Variants in PRIM2 observed in about 807,000 individuals in gnomAD.
PRIM2 encodes DNA primase large subunit.
PRIM2 carries 39 observed loss-of-function variants against 67.3 expected under a neutral mutation model. The ratio of observed to expected loss-of-function variants is 0.58; its 90% CI spans 0.45 to 0.76. PRIM2 has a LOEUF of 0.76. Among genes scored for constraint, PRIM2 ranks in the 30% least tolerant of loss-of-function variants. The probability of loss-of-function intolerance (pLI) is 0.00; values close to 1 mark genes in which losing one functional copy is unlikely to be tolerated. For synonymous variants in PRIM2, 143 were observed against 198.7 expected (o/e 0.72, Z 2.36); for missense variants, 398 against 598.7 (o/e 0.66, Z 3.50).
the PRIM2 span, among the ~76,000 whole-genome samples, chr6:57,260,697 G>T: frequency 6.6e-6 from 1 of 152,156 alleles, no homozygotes; most frequent in African/African-American, 2.4e-5. Flanking sequence ...TTGGAAATGG[G>T]TACAATGGAT....
chr6:57,229,247 T>G, the PRIM2 span, among the ~76,000 whole-genome samples: 1 of 152,170 alleles, frequency 6.6e-6, no homozygotes, highest in Non-Finnish European at 1.5e-5. Flanking sequence ...CTCTTATAAT[T>G]TTCATATCAT....
intron 10 of PRIM2, among the ~76,000 whole-genome samples, chr6:57,552,223 G>A (rs1372995329): frequency 6.6e-6 from 1 of 152,306 alleles, no homozygotes. Flanking sequence ...CACTGGCTTG[G>A]TGGCCTGGGC....
chr6:57,368,157 A>G (rs2127320411), intron 5 of PRIM2, among the ~76,000 whole-genome samples: 1 of 152,258 alleles, frequency 6.6e-6, no homozygotes, highest in Admixed American at 6.5e-5. Flanking sequence ...TTTCTTTATA[A>G]ATGAAATGAT....
chr6:57,245,374 A>C, the PRIM2 span, among the ~76,000 whole-genome samples: 1 of 152,184 alleles, frequency 6.6e-6, no homozygotes, highest in East Asian at 1.9e-4. Context: ...TACACCCATG[A>C]TGCATCACCT....
chr6:57,626,766 A>G (rs1776955959), intron 12 of PRIM2, among the ~76,000 whole-genome samples: 1 of 151,948 alleles, frequency 6.6e-6, no homozygotes, highest in East Asian at 2.0e-4. Flanking sequence ...CTGGGACTAC[A>G]GGCATGTGCC....
At chr6:57,381,429 A>T (rs1178930627) in intron 6 of PRIM2, among the ~76,000 whole-genome samples, 1 of 151,672 alleles carries the variant, frequency 6.6e-6, no homozygotes, top group African/African-American at 2.4e-5. Context: ...ATCTCTTAGA[A>T]TTTTAAGATT....
chr6:57,269,663 T>G, the PRIM2 span, among the ~76,000 whole-genome samples: 1 of 152,290 alleles, frequency 6.6e-6, no homozygotes, highest in Non-Finnish European at 1.5e-5. Context: ...TTTTGGCTTT[T>G]GTTGCCATTG....
At chr6:57,506,848 A>G (rs1217383525) in intron 7 of PRIM2, among the ~76,000 whole-genome samples, 3 of 152,082 alleles carry the variant, frequency 2.0e-5, no homozygotes, top group African/African-American at 7.2e-5. Context: ...TTTCAATATT[A>G]AATACTTTGA....
chr6:57,417,369 G>A (rs1449009282), intron 7 of PRIM2, among the ~76,000 whole-genome samples: 1 of 152,134 alleles, frequency 6.6e-6, no homozygotes, highest in African/African-American at 2.4e-5. Context: ...TGGCACATGA[G>A]GCCTAGCTTT....
intron 7 of PRIM2, among the ~76,000 whole-genome samples, chr6:57,448,580 A>T (rs1234007971): frequency 1.3e-5 from 2 of 151,990 alleles, no homozygotes; most frequent in African/African-American, 4.8e-5. Context: ...TCATAAATTG[A>T]TACATGGAGG....
chr6:57,552,620 T>C (rs1347734192), intron 10 of PRIM2, among the ~76,000 whole-genome samples: 1 of 152,240 alleles, frequency 6.6e-6, no homozygotes, highest in Non-Finnish European at 1.5e-5. Context: ...TTAATCTTTT[T>C]ACCTACTATA....
intron 7 of PRIM2, among the ~76,000 whole-genome samples, chr6:57,501,511 G>T (rs1774131793): frequency 6.6e-6 from 1 of 152,096 alleles, no homozygotes; most frequent in East Asian, 1.9e-4. Context: ...TGTTGTCCAG[G>T]CTGGTTTCAA....
intron 7 of PRIM2, among the ~76,000 whole-genome samples, chr6:57,409,196 G>A (rs1214833953): frequency 1.3e-5 from 2 of 150,100 alleles, no homozygotes; most frequent in African/African-American, 4.9e-5. Context: ...TTTTTTTCGA[G>A]ATGGAGTCTC....
intron 7 of PRIM2, among the ~76,000 whole-genome samples, chr6:57,435,940 A>T (rs1227761943): frequency 6.6e-6 from 1 of 152,220 alleles, no homozygotes; most frequent in Non-Finnish European, 1.5e-5. Context: ...GGAATCCTCT[A>T]CAGCTGATGC....
chr6:57,467,116 A>G (rs1337742137), intron 7 of PRIM2, among the ~76,000 whole-genome samples: 7 of 149,946 alleles, frequency 4.7e-5, no homozygotes, highest in African/African-American at 7.4e-5. Flanking sequence ...AAAAAAAAAA[A>G]AAAAGAAAAG....
chr6:57,327,002 C>T (rs1246380309), intron 5 of PRIM2, among the ~76,000 whole-genome samples: 7 of 147,516 alleles, frequency 4.7e-5, no homozygotes, highest in African/African-American at 1.8e-4. Flanking sequence ...CTTCTGGGTT[C>T]AAGCGATTCT....
At chr6:57,236,642 A>G in the PRIM2 span, among the ~76,000 whole-genome samples, 3 of 150,780 alleles carry the variant, frequency 2.0e-5, no homozygotes, top group Non-Finnish European at 4.4e-5. Context: ...TTCAATTCCC[A>G]CCTATGAGTG....
chr6:57,642,503 C>T (rs1208254394), intron 13 of PRIM2, among the ~76,000 whole-genome samples: 2 of 120,384 alleles, frequency 1.7e-5, no homozygotes, highest in East Asian at 2.8e-4. Flanking sequence ...AGTGCAGTGG[C>T]GCGATCTCGA....
intron 5 of PRIM2, among the ~76,000 whole-genome samples, chr6:57,353,575 T>C (rs1451576601): frequency 6.6e-6 from 1 of 152,224 alleles, no homozygotes; most frequent in Non-Finnish European, 1.5e-5. Context: ...CACACATACA[T>C]AAAGAAGATC....
Sources: allele counts gnomAD v4.1 joint callset (sites outside exome capture counted in the v4.1 genomes callset), GRCh38; gene constraint gnomAD v4.1.1; transcripts MANE v1.5; gene names NCBI Gene and HGNC (gene_info 2026-07-23, HGNC 2026-07-21).